SEC24A: variants seen among roughly 807,000 people sequenced by gnomAD.
SEC24A encodes SEC24 homolog A, COPII component.
In SEC24A, 93 loss-of-function variants were observed where a neutral mutation model predicts 129.4. The ratio of observed to expected loss-of-function variants is 0.72; its 90% CI spans 0.61 to 0.85. The LOEUF (loss-of-function observed/expected upper bound fraction) is 0.85. SEC24A is among the 40% of genes least tolerant of loss of function. The pLI is 0.00. For synonymous variants in SEC24A, 460 were observed against 467.3 expected (o/e 0.98, Z 0.20); for missense variants, 1,264 against 1,307.4 (o/e 0.97, Z 0.51).
At chr5:134,666,313 T>C (rs1369940054) in intron 2 of SEC24A, among the ~76,000 whole-genome samples, 2 of 152,134 alleles carry the variant, frequency 1.3e-5, no homozygotes, top group Non-Finnish European at 1.5e-5. Context: ...CTCAGCACTT[T>C]GGGAGGCCAA....
chr5:134,703,226 C>G (rs1752054897), intron 15 of SEC24A, among the ~76,000 whole-genome samples: 1 of 152,100 alleles, frequency 6.6e-6, no homozygotes, highest in African/African-American at 2.4e-5. Context: ...AAATAAGTAT[C>G]TAGAATTTTG....
intron 1 of SEC24A, 48 bp from the exon 2 acceptor site, chr5:134,661,071 A>G (rs772817357): frequency 2.0e-5 from 25 of 1,233,332 alleles, no homozygotes; most frequent in Non-Finnish European, 9.2e-6. Context: ...TTCTTAAAGT[A>G]TTGCTATATT....
intron 11 of SEC24A, among the ~76,000 whole-genome samples, chr5:134,689,660 C>T (rs1409658563): frequency 2.0e-5 from 3 of 151,638 alleles, no homozygotes; most frequent in Non-Finnish European, 4.4e-5. Context: ...ACTCGGGAGG[C>T]TGAGGCAGGA....
intron 9 of SEC24A, among the ~76,000 whole-genome samples, chr5:134,685,612 A>G (rs1168655179): frequency 6.6e-6 from 1 of 152,182 alleles, no homozygotes; most frequent in Non-Finnish European, 1.5e-5. Context: ...AAGATTGTAT[A>G]CTACATACCC....
At chr5:134,716,079 T>C (rs756016739) in intron 19 of SEC24A, among the ~76,000 whole-genome samples, 44 of 152,150 alleles carry the variant, frequency 2.9e-4, no homozygotes, top group Non-Finnish European at 5.7e-4. Flanking sequence ...TTTACCAGAA[T>C]TAAAGTCACA....
intron 13 of SEC24A, among the ~76,000 whole-genome samples, chr5:134,694,398 G>T (rs577026148): frequency 6.6e-6 from 1 of 152,076 alleles, no homozygotes; most frequent in Non-Finnish European, 1.5e-5. Flanking sequence ...GGTGGCTCAC[G>T]CTTGTAATCC....
Position 134,666,911 on chromosome 5 carries a change from A to G in SEC24A, c.654A>G (p.Pro218=), listed in dbSNP as rs1181163670. ...APHGPPPAGG[P]PPVRALTPLT... ...ATGGGCCCCCTCCAGCTGGAGGCCC[A>G]CCCCCAGTGAGGGCCCTCACGCCCC... The change falls in exon 3 of 23, where the codon CCA becomes CCG. Residue 218 remains proline (P), a synonymous_variant. Transcript: ENST00000398844. 6.2e-7 allele frequency: 1 copy of G among 1,607,284 alleles called. No homozygotes were observed. Among genetic ancestry groups the G allele is most frequent in the Admixed American group, 1.7e-5 (1 of 59,926 alleles).
rs922822627 is a variant in SEC24A, at chr5:134,725,683, A to G, written c.*589A>G. 1 of 152,520 alleles carries G rather than the reference A, an allele frequency of 6.6e-6. No individual in the cohort carries two copies. Among genetic ancestry groups the G allele is most frequent in the African/African-American group, 2.4e-5 (1 of 41,432 alleles). The allele number at this position is 152,520 out of a possible 1,614,324, so 9.4% of individuals were successfully genotyped here. Reference sequence around the variant, plus strand: ...TAGCTTGAGAAAAATATGAAGAAACACATTCAAGCTTTAAAATCTGTCAGT... The same window carrying G: ...TAGCTTGAGAAAAATATGAAGAAACGCATTCAAGCTTTAAAATCTGTCAGT... On this transcript the variant is annotated 3_prime_UTR_variant, in exon 23 of 23. Transcript: ENST00000398844.
chr5:134,710,462 A>G (rs1409545646), intron 18 of SEC24A, among the ~76,000 whole-genome samples: 2 of 151,902 alleles, frequency 1.3e-5, no homozygotes, highest in East Asian at 1.9e-4. Context: ...CTAACGCCCA[A>G]CCTCAGGTGA....
chr5:134,649,101 T>G lies in SEC24A; in HGVS notation c.25T>G (p.Ser9Ala). The change falls in exon 1 of 23, where the codon TCC becomes GCC. Residue 9 changes from serine to alanine, a missense_variant. Coordinates refer to ENST00000398844, the MANE Select transcript of SEC24A (RefSeq NM_021982.3). ...CATGTCCCAGCCGGGAATACCGGCC[T>G]CCGGCGGCGCCCCAGCCAGCCTCCA... MSQPGIPASGGAPASLQAQ... is the reference protein window; with the variant it reads MSQPGIPAAGGAPASLQAQ... 6.2e-7 allele frequency: 1 copy of G among 1,609,150 alleles called. No individual in the cohort carries two copies. Among genetic ancestry groups the G allele is most frequent in the African/African-American group, 1.3e-5 (1 of 74,818 alleles).
Position 134,648,972 on chromosome 5 carries a change from A to G in SEC24A, c.-105A>G. ...GCCCCCCCCTCTTCTCCCAGTCTTC[A>G]GTCTTAAGTCGTTAGCCTCCTCCCT... On this transcript the variant is annotated 5_prime_UTR_variant, in exon 1 of 23. Transcript: ENST00000398844. The G allele has an allele frequency of 1.4e-6, 1 of 731,642 alleles. No individual in the cohort carries two copies. 45.3% of individuals were successfully genotyped at this position (731,642 alleles called of 1,614,324 possible).
intron 9 of SEC24A, among the ~76,000 whole-genome samples, chr5:134,685,038 A>G (rs1751401744): frequency 6.6e-6 from 1 of 152,170 alleles, no homozygotes; most frequent in African/African-American, 2.4e-5. Flanking sequence ...CGTGGATTCA[A>G]CTACCCATGG....
At chr5:134,691,740 C>T (rs1232498730) in intron 11 of SEC24A, among the ~76,000 whole-genome samples, 1 of 152,088 alleles carries the variant, frequency 6.6e-6, no homozygotes, top group Admixed American at 6.6e-5. Context: ...CCGCGTCGGC[C>T]TCCCAAAGTA....
chr5:134,671,554 C>T (rs1750862747), intron 3 of SEC24A, among the ~76,000 whole-genome samples: 1 of 152,040 alleles, frequency 6.6e-6, no homozygotes, highest in Non-Finnish European at 1.5e-5. Flanking sequence ...TTATTTGGGC[C>T]TTTGGCTTAG....
intron 7 of SEC24A, among the ~76,000 whole-genome samples, chr5:134,676,337 A>G (rs2150083748): frequency 6.7e-6 from 1 of 149,580 alleles, no homozygotes; most frequent in African/African-American, 2.5e-5. Context: ...AGGGGGTTTC[A>G]CCATCTTGGC....
rs1320482514 is a variant in SEC24A, at chr5:134,726,801, A to G, written c.*1707A>G. The G allele has an allele frequency of 2.0e-5, 3 of 152,136 alleles. No homozygotes were observed. The highest frequency in any genetic ancestry group is 7.2e-5 in the African/African-American group (3 of 41,456). 9.4% of individuals were successfully genotyped at this position (152,136 alleles called of 1,614,324 possible). ...AATGTTCCTCTTAATGTGATTTTAA[A>G]TGGAGTTATTTGTAGGTCCTTTCTT... On this transcript the variant is annotated 3_prime_UTR_variant, in exon 23 of 23. Coordinates refer to ENST00000398844, the MANE Select transcript of SEC24A (RefSeq NM_021982.3).
intron 2 of SEC24A, among the ~76,000 whole-genome samples, chr5:134,664,872 C>T (rs533350751): frequency 6.6e-5 from 9 of 136,852 alleles, no homozygotes; most frequent in African/African-American, 2.4e-4. Flanking sequence ...AATCTCGGCT[C>T]ACTGCAACCT....
intron 2 of SEC24A, among the ~76,000 whole-genome samples, chr5:134,661,795 T>C (rs1750471839): frequency 6.6e-6 from 1 of 150,576 alleles, no homozygotes; most frequent in Non-Finnish European, 1.5e-5. Context: ...CACTCATTAG[T>C]AGTTTTTTTT....
chr5:134,678,686 A>G (rs1361609097), intron 7 of SEC24A, among the ~76,000 whole-genome samples: 2 of 151,474 alleles, frequency 1.3e-5, no homozygotes, highest in African/African-American at 4.8e-5. Context: ...GGTTGAAGCA[A>G]TTCTCCTGCC....
Sources: allele counts gnomAD v4.1 joint callset (sites outside exome capture counted in the v4.1 genomes callset), GRCh38; gene constraint gnomAD v4.1.1; transcripts MANE v1.5; gene names NCBI Gene and HGNC (gene_info 2026-07-23, HGNC 2026-07-21).